The following POLD3 variants were observed in gnomAD, a reference collection of about 807,000 sequenced individuals.
POLD3 encodes DNA polymerase delta 3, accessory subunit.
Under a neutral mutation model 58.2 loss-of-function variants are expected in POLD3, and 19 were observed. The observed-to-expected ratio is 0.33, with a 90% CI of 0.23 to 0.48. POLD3 has a LOEUF of 0.48. Among genes scored for constraint, POLD3 ranks in the 20% least tolerant of loss-of-function variants. POLD3 has a pLI of 0.99. For synonymous variants in POLD3, 172 were observed against 193.5 expected (o/e 0.89, Z 0.92); for missense variants, 504 against 545.5 (o/e 0.92, Z 0.76).
intron 4 of POLD3, among the ~76,000 whole-genome samples, chr11:74,650,748 C>G (rs545067487): frequency 6.9e-4 from 105 of 152,342 alleles, no homozygotes; most frequent in South Asian, 4.8e-3. Flanking sequence ...CACACACACT[C>G]TCTCTCTTTG....
chr11:74,608,190 TG>T (rs1168377162), intron 3 of POLD3, among the ~76,000 whole-genome samples: 1 of 152,212 alleles, frequency 6.6e-6, no homozygotes, highest in African/African-American at 2.4e-5. Flanking sequence ...AAAATGGTGA[TG>T]TTTTGCCTTG....
At chr11:74,604,031 A>G (rs1456891523) in intron 2 of POLD3, among the ~76,000 whole-genome samples, 1 of 152,230 alleles carries the variant, frequency 6.6e-6, no homozygotes, top group Non-Finnish European at 1.5e-5. Context: ...GGGCAATGTG[A>G]GTAAGCTGTT....
intron 5 of POLD3, among the ~76,000 whole-genome samples, chr11:74,615,262 T>C (rs2032049039): frequency 2.0e-5 from 3 of 152,296 alleles, no homozygotes; most frequent in Admixed American, 6.5e-5. Context: ...ACTTGGCACA[T>C]AGTAAGCACT....
Position 74,612,974 on chromosome 11 carries a change from A to G in POLD3, c.356A>G (p.Tyr119Cys). Reference protein sequence around the residue: ...KDSGPLFNTDYDILKSNLQNC... With the variant: ...KDSGPLFNTDCDILKSNLQNC... ...AGTGGGCCTCTGTTCAATACTGACTATGACATCCTTAAAAGCAACTTGCAG... is the reference window on the plus strand; with the variant it reads ...AGTGGGCCTCTGTTCAATACTGACTGTGACATCCTTAAAAGCAACTTGCAG... Residue 119 changes from tyrosine (Y) to cysteine (C), a missense_variant, in exon 5 of 12, where the codon TAT becomes TGT. Tyr to Cys is a radical substitution (Grantham distance 194). Transcript: ENST00000263681. 6 of 1,613,504 alleles carry G rather than the reference A, an allele frequency of 3.7e-6. No homozygotes were observed. The highest frequency in any genetic ancestry group is 5.1e-6 in the Non-Finnish European group (6 of 1,179,726).
chr11:74,657,147 T>A (rs531305330), intron 4 of POLD3, among the ~76,000 whole-genome samples: 2 of 152,138 alleles, frequency 1.3e-5, no homozygotes, highest in Non-Finnish European at 2.9e-5. Flanking sequence ...TCCATCCCTT[T>A]ATTTTCAGTC....
chr11:74,668,734 G>A (rs901449998), intron 4 of POLD3: 1 of 1,269,074 alleles, frequency 7.9e-7, no homozygotes, highest in Non-Finnish European at 1.0e-6. Context: ...GGAGAAAAGG[G>A]AAGATATATA....
chr11:74,633,976 G>C (rs1363073005), intron 9 of POLD3, among the ~76,000 whole-genome samples: 1 of 152,184 alleles, frequency 6.6e-6, no homozygotes, highest in Non-Finnish European at 1.5e-5. Flanking sequence ...CATCTCAGGT[G>C]ATTAAAAGTA....
At chr11:74,607,517 C>T (rs868256248) in intron 3 of POLD3, among the ~76,000 whole-genome samples, 4 of 151,728 alleles carry the variant, frequency 2.6e-5, no homozygotes, top group South Asian at 2.1e-4. Context: ...CCACCCACCG[C>T]GGCCTCCCAA....
chr11:74,597,543 T>TCCAATTC (rs1158182858), intron 2 of POLD3, among the ~76,000 whole-genome samples: 7 of 152,158 alleles, frequency 4.6e-5, no homozygotes, highest in Non-Finnish European at 8.8e-5. Flanking sequence ...TCACTGCAAC[T>TCCAATTC]TCAGCCTCCC....
chr11:74,615,846 A>G (rs2032065224), intron 5 of POLD3, among the ~76,000 whole-genome samples: 1 of 152,158 alleles, frequency 6.6e-6, no homozygotes, highest in Admixed American at 6.5e-5. Context: ...CTGGCACACT[A>G]ATAAGTAGTT....
intron 7 of POLD3, among the ~76,000 whole-genome samples, chr11:74,624,780 C>G (rs10793094): frequency 0.43 from 64,660 of 151,948 alleles, 14,646 homozygotes; most frequent in Non-Finnish European, 0.51. Context: ...AATCCCTACT[C>G]TTTTCTGTCA....
intron 11 of POLD3, among the ~76,000 whole-genome samples, chr11:74,638,161 A>G (rs1437335567): frequency 6.6e-6 from 1 of 152,214 alleles, no homozygotes; most frequent in Non-Finnish European, 1.5e-5. Context: ...ATGGCAACCC[A>G]GAAAAGTGGC....
At chr11:74,593,894 T>C (rs2031126702) in intron 1 of POLD3, among the ~76,000 whole-genome samples, 167 bp from the exon 2 acceptor site, 1 of 152,230 alleles carries the variant, frequency 6.6e-6, no homozygotes, top group Admixed American at 6.5e-5. Context: ...GATAAATAGG[T>C]CCTGCCTACC....
At chr11:74,648,515 C>T (rs1443277015) in intron 4 of POLD3, among the ~76,000 whole-genome samples, 1 of 152,154 alleles carries the variant, frequency 6.6e-6, no homozygotes, top group Non-Finnish European at 1.5e-5. Flanking sequence ...GGAGGAAGTG[C>T]TTAAACAGGT....
At chr11:74,655,549 G>T (rs2033123191) in intron 4 of POLD3, among the ~76,000 whole-genome samples, 1 of 151,862 alleles carries the variant, frequency 6.6e-6, no homozygotes, top group Non-Finnish European at 1.5e-5. Flanking sequence ...TGACCTAATT[G>T]ATATTTACGG....
chr11:74,646,193 A>T (rs1161647996), downstream of POLD3, among the ~76,000 whole-genome samples: 1 of 152,012 alleles, frequency 6.6e-6, no homozygotes, highest in Non-Finnish European at 1.5e-5. Flanking sequence ...GGCTGGTCTC[A>T]AACTCCTGAC....
chr11:74,626,302 G>C (rs185126574), intron 8 of POLD3, among the ~76,000 whole-genome samples: 2 of 152,138 alleles, frequency 1.3e-5, no homozygotes, highest in Non-Finnish European at 2.9e-5. Flanking sequence ...CCATGGGTAC[G>C]TCACTCACTG....
At chr11:74,616,946 C>T (rs1191455974) in intron 5 of POLD3, among the ~76,000 whole-genome samples, 1 of 152,144 alleles carries the variant, frequency 6.6e-6, no homozygotes, top group Non-Finnish European at 1.5e-5. Flanking sequence ...CACTTTCATT[C>T]ACTTAGTCAT....
At chr11:74,653,334 T>C (rs78405703) in intron 4 of POLD3, among the ~76,000 whole-genome samples, 1 of 16,462 alleles carries the variant, frequency 6.1e-5, no homozygotes, top group Admixed American at 6.2e-4. Flanking sequence ...CACACACACA[T>C]AGTGTGGTCC....
Sources: gnomAD v4.1 joint callset for allele counts (sites outside exome capture counted in the v4.1 genomes callset) on GRCh38, gnomAD v4.1.1 for gene constraint, MANE v1.5 for transcripts, NCBI Gene and HGNC (gene_info 2026-07-23, HGNC 2026-07-21) for gene names.